Variants in PCDH15 observed in about 807,000 individuals in gnomAD.
PCDH15 encodes protocadherin related 15, also known as protocadherin-15.
Under a neutral mutation model 178.5 loss-of-function variants are expected in PCDH15, and 129 were observed. The observed-to-expected ratio is 0.72, with a 90% CI of 0.63 to 0.84. The LOEUF is 0.84. PCDH15 is among the 40% of genes least tolerant of loss of function. The pLI is 0.00. For synonymous variants in PCDH15, 800 were observed against 732.0 expected (o/e 1.09, Z -1.50); for missense variants, 2,230 against 2,099.9 (o/e 1.06, Z -1.21).
At chr10:53,927,718 G>T (rs952017881) in intron 25 of PCDH15, among the ~76,000 whole-genome samples, 1 of 151,954 alleles carries the variant, frequency 6.6e-6, no homozygotes, top group African/African-American at 2.4e-5. Flanking sequence ...CATCTTCATA[G>T]TGTTATCTAT....
At chr10:54,870,561 G>A (rs1302640445) in intron 3 of PCDH15, among the ~76,000 whole-genome samples, 2 of 152,054 alleles carry the variant, frequency 1.3e-5, no homozygotes, top group Non-Finnish European at 2.9e-5. Context: ...CGAGGTGGGC[G>A]GATCACGAGG....
intron 3 of PCDH15, among the ~76,000 whole-genome samples, chr10:54,877,934 CTCTCTTTTTTTTTTTTTTTTTTTTTTTT>C (rs1954176600): frequency 3.5e-5 from 1 of 28,778 alleles, no homozygotes; most frequent in Non-Finnish European, 6.7e-5. Flanking sequence ...TTCTCTCTCT[CTCTCTTTTTTTTTTTTTTTTTTTTTTTT>C]TTTTTTTTTT....
chr10:54,638,639 G>C (rs2093918114), intron 2 of PCDH15, among the ~76,000 whole-genome samples: 1 of 151,864 alleles, frequency 6.6e-6, no homozygotes, highest in South Asian at 2.1e-4. Flanking sequence ...ATTTCTCAAA[G>C]AACTAAAGTA....
chr10:55,336,682 T>A (rs11004816), intron 2 of PCDH15, among the ~76,000 whole-genome samples: 4 of 151,766 alleles, frequency 2.6e-5, no homozygotes, highest in Non-Finnish European at 5.9e-5. Flanking sequence ...TTCCATCCTC[T>A]ACCCTTTCAC....
chr10:53,862,022 T>C (rs2079137544), intron 27 of PCDH15, among the ~76,000 whole-genome samples: 3 of 152,130 alleles, frequency 2.0e-5, no homozygotes, highest in Admixed American at 2.0e-4. Context: ...CATGTTCAGT[T>C]ATACTACAAT....
chr10:54,088,682 T>C (rs1420910513), intron 16 of PCDH15, among the ~76,000 whole-genome samples: 2 of 152,218 alleles, frequency 1.3e-5, no homozygotes, highest in Non-Finnish European at 2.9e-5. Flanking sequence ...TTTTATCTCA[T>C]ATATTGCAAT....
At chr10:53,899,682 C>A (rs981892594) in intron 26 of PCDH15, among the ~76,000 whole-genome samples, 1 of 152,146 alleles carries the variant, frequency 6.6e-6, no homozygotes, top group Admixed American at 6.5e-5. Context: ...GGGCTACTTC[C>A]CATTTTTAAA....
intron 2 of PCDH15, among the ~76,000 whole-genome samples, chr10:55,158,290 T>C (rs549150420): frequency 2.7e-4 from 41 of 152,170 alleles, no homozygotes; most frequent in African/African-American, 9.6e-4. Flanking sequence ...ATTTCTGATC[T>C]GGTATATGGA....
chr10:54,193,533 C>G (rs2049250588), intron 11 of PCDH15, among the ~76,000 whole-genome samples: 1 of 152,072 alleles, frequency 6.6e-6, no homozygotes, highest in Non-Finnish European at 1.5e-5. Flanking sequence ...ATTAGTAGAT[C>G]TACAAAATAC....
At chr10:55,484,755 G>A (rs117658474) in intron 2 of PCDH15, among the ~76,000 whole-genome samples, 6,263 of 151,730 alleles carry the variant, frequency 0.041, 178 homozygotes, top group Non-Finnish European at 0.061. Context: ...ACTGATTTTT[G>A]CCAAAGGCAC....
intron 2 of PCDH15, among the ~76,000 whole-genome samples, chr10:54,980,131 C>G (rs1307577101): frequency 6.6e-6 from 1 of 152,140 alleles, no homozygotes; most frequent in Non-Finnish European, 1.5e-5. Flanking sequence ...TGCCATCAAA[C>G]CTTGGAGATG....
chr10:55,198,705 G>C (rs1388132513), intron 1 of PCDH15, among the ~76,000 whole-genome samples: 1 of 150,334 alleles, frequency 6.7e-6, no homozygotes, highest in African/African-American at 2.5e-5. Flanking sequence ...CCGTGGTCTC[G>C]ATCTCCTGAC....
intron 28 of PCDH15, among the ~76,000 whole-genome samples, chr10:53,855,140 A>G (rs2078639670): frequency 6.6e-6 from 1 of 152,076 alleles, no homozygotes; most frequent in Admixed American, 6.6e-5. Context: ...CTGGAGTTAT[A>G]GAAATAAAAC....
At chr10:55,281,652 G>A (rs1183773089) in intron 1 of PCDH15, among the ~76,000 whole-genome samples, 7 of 152,022 alleles carry the variant, frequency 4.6e-5, no homozygotes, top group South Asian at 2.1e-4. Context: ...ACTCGCACAT[G>A]TGTCTCCGCA....
Position 53,959,796 on chromosome 10 carries a change from C to T in PCDH15, c.3058G>A (p.Ala1020Thr). 1.2e-6 allele frequency: 2 copies of T among 1,614,122 alleles called. No homozygotes were observed. Among genetic ancestry groups the T allele is most frequent in the Non-Finnish European group, 8.5e-7 (1 of 1,180,000 alleles). The change falls in exon 23 of 38, where the codon GCC becomes ACC. Residue 1020 changes from alanine to threonine, a missense_variant. Ala to Thr is a moderately conservative substitution (Grantham distance 58). Coordinates refer to ENST00000644397, the MANE Select transcript of PCDH15 (RefSeq NM_001384140.1). ...DDGEPVMSSS[A>T]TVKILVLHPG... ...TGTAAGACAAGAATCTTCACTGTGG[C>T]ACTGCTGGACATCACAGGCTCCCCA...
chr10:55,258,430 G>C (rs1210600185), intron 1 of PCDH15, among the ~76,000 whole-genome samples: 1 of 152,152 alleles, frequency 6.6e-6, no homozygotes, highest in Non-Finnish European at 1.5e-5. Context: ...TTCCACATTT[G>C]TCCTTCAAGT....
chr10:54,940,002 T>C (rs1377027514), intron 2 of PCDH15, among the ~76,000 whole-genome samples: 1 of 152,140 alleles, frequency 6.6e-6, no homozygotes, highest in Non-Finnish European at 1.5e-5. Flanking sequence ...CCTTTTGATT[T>C]TTTGGTTTTC....
Position 55,512,285 on chromosome 10 carries a change from T to A in PCDH15, c.-156+115340A>T, listed in dbSNP as rs563759343. On this transcript the variant is annotated intron_variant, in intron 2 of 5. Coordinates refer to the PCDH15 transcript ENST00000613346. ...TATTTGCAATTTAATTTAATAAAGC[T>A]ATTTTGCACTGTATCCTCTATAATC... is the stretch of plus-strand genomic sequence containing the variant. Among the ~76,000 whole-genome samples, 3 of 152,200 alleles carry A rather than the reference T, an allele frequency of 2.0e-5. No individual in the cohort carries two copies. In the East Asian group the frequency reaches 5.8e-4, roughly 29 times the overall value.
At chr10:54,899,107 A>G (rs181769201) in intron 2 of PCDH15, among the ~76,000 whole-genome samples, 185 of 152,274 alleles carry the variant, frequency 1.2e-3, no homozygotes, top group African/African-American at 4.4e-3. Context: ...CACGAAAAGA[A>G]ATTCAGCTGT....
Sources: allele counts gnomAD v4.1 joint callset (sites outside exome capture counted in the v4.1 genomes callset), GRCh38; gene constraint gnomAD v4.1.1; transcripts MANE v1.5; gene names NCBI Gene and HGNC (gene_info 2026-07-23, HGNC 2026-07-21).